Variants in RGS6 observed in about 807,000 individuals in gnomAD.
RGS6 encodes the protein regulator of G-protein signaling 6.
Under a neutral mutation model 78.5 loss-of-function variants are expected in RGS6, and 30 were observed. That is an observed-to-expected ratio of 0.38 (90% CI 0.29 to 0.52). RGS6 has a LOEUF of 0.52. Ranked by LOEUF, RGS6 falls within the 20% of genes least tolerant of loss-of-function variation. RGS6 has a pLI of 0.85. For missense variants in RGS6, 495 were observed against 609.7 expected (o/e 0.81, Z 1.98); for synonymous variants, 206 against 206.0 (o/e 1.00, Z 0.00).
intron 2 of RGS6, among the ~76,000 whole-genome samples, chr14:72,279,671 G>T (rs1203286475): frequency 6.6e-6 from 1 of 152,154 alleles, no homozygotes; most frequent in Non-Finnish European, 1.5e-5. Context: ...ATCTAGAAAG[G>T]GATCTCTGTT....
intron 2 of RGS6, among the ~76,000 whole-genome samples, chr14:72,315,181 G>A (rs1275435770): frequency 6.6e-6 from 1 of 152,182 alleles, no homozygotes; most frequent in Non-Finnish European, 1.5e-5. Context: ...CAAAAGCCAA[G>A]AAGGAATTTC....
At chr14:72,233,831 G>A (rs1225936414) in intron 2 of RGS6, among the ~76,000 whole-genome samples, 1 of 152,130 alleles carries the variant, frequency 6.6e-6, no homozygotes, top group Non-Finnish European at 1.5e-5. Flanking sequence ...CCATGATGTG[G>A]ACATCCTGGC....
At chr14:72,137,688 A>G (rs537989954) in intron 2 of RGS6, among the ~76,000 whole-genome samples, 3 of 152,218 alleles carry the variant, frequency 2.0e-5, no homozygotes, top group Non-Finnish European at 2.9e-5. Context: ...AGATGCATAG[A>G]ACATGGTTTG....
At chr14:72,068,520 CAG>C (rs2094271222) in intron 2 of RGS6, among the ~76,000 whole-genome samples, 2 of 122,772 alleles carry the variant, frequency 1.6e-5, no homozygotes, top group Admixed American at 9.6e-5. Context: ...TTTTTTGAGA[CAG>C]AGTCTCGCTT....
intron 2 of RGS6, among the ~76,000 whole-genome samples, chr14:72,036,508 C>T (rs1176711937): frequency 1.3e-5 from 2 of 152,086 alleles, no homozygotes; most frequent in Admixed American, 1.3e-4. Flanking sequence ...TTTCAAATTT[C>T]AGCCATTCTA....
chr14:72,127,552 G>A (rs776559582), intron 2 of RGS6, among the ~76,000 whole-genome samples: 12 of 152,086 alleles, frequency 7.9e-5, no homozygotes, highest in Non-Finnish European at 1.8e-4. Context: ...AATAAAAATA[G>A]TATTCACATA....
chr14:72,511,822 G>GT (rs1243307742), intron 14 of RGS6: 1 of 152,222 alleles, frequency 6.6e-6, no homozygotes, highest in African/African-American at 2.4e-5. Flanking sequence ...ACAAGGTTGA[G>GT]TATCTTATTT....
At chr14:72,589,059 G>C in the RGS6 span, among the ~76,000 whole-genome samples, 2 of 152,212 alleles carry the variant, frequency 1.3e-5, no homozygotes, top group South Asian at 4.1e-4. Context: ...ACCATTCATA[G>C]AAGAGGGAAA....
At chr14:72,057,423 A>C in intron 2 of RGS6, among the ~76,000 whole-genome samples, 1 of 151,720 alleles carries the variant, frequency 6.6e-6, no homozygotes, top group East Asian at 1.9e-4. Context: ...TAGCTGCTAC[A>C]AGAAGGGTGT....
chr14:72,212,026 A>T (rs1353430603), intron 2 of RGS6, among the ~76,000 whole-genome samples: 1 of 152,230 alleles, frequency 6.6e-6, no homozygotes, highest in Non-Finnish European at 1.5e-5. Context: ...CTAAATATTG[A>T]AAGCTGTCAC....
At chr14:72,255,630 A>G (rs986498429) in intron 2 of RGS6, among the ~76,000 whole-genome samples, 1 of 152,206 alleles carries the variant, frequency 6.6e-6, no homozygotes, top group African/African-American at 2.4e-5. Context: ...AATGTGGCAC[A>G]AATTCTCTTT....
At chr14:72,186,922 G>A (rs1268835374) in intron 2 of RGS6, among the ~76,000 whole-genome samples, 1 of 152,190 alleles carries the variant, frequency 6.6e-6, no homozygotes, top group East Asian at 1.9e-4. Context: ...GAGAGGACCA[G>A]TTCAGTTGCA....
intron 2 of RGS6, among the ~76,000 whole-genome samples, chr14:71,970,695 TG>T (rs2093748890): frequency 6.6e-6 from 1 of 152,192 alleles, no homozygotes. Flanking sequence ...GAGTGTCATT[TG>T]TGTGCCAGAC....
In RGS6 at chr14:72,326,890, A is replaced by G. The variant is rs1443040036; in HGVS notation, c.85-25205A>G. Among the ~76,000 whole-genome samples the G allele has an allele frequency of 2.6e-5, 4 of 152,094 alleles. No homozygotes were observed. The East Asian group carries it at 7.8e-4, about 30-fold the overall frequency. ...GCCCGGCTAATTTTTTGTATTTTTA[A>G]TAGAGATGGGGTTTCACTGTGTTAG... On this transcript the variant is annotated intron_variant, in intron 2 of 17. Coordinates refer to ENST00000553525, the MANE Select transcript of RGS6 (RefSeq NM_001204424.2).
chr14:72,586,594 C>T, the RGS6 span, among the ~76,000 whole-genome samples: 6 of 152,176 alleles, frequency 3.9e-5, no homozygotes, highest in East Asian at 1.2e-3. Flanking sequence ...ATCCTTTCGA[C>T]ACAGGGCACT....
chr14:72,227,696 G>A (rs1313706964), intron 2 of RGS6, among the ~76,000 whole-genome samples: 1 of 152,146 alleles, frequency 6.6e-6, no homozygotes, highest in East Asian at 1.9e-4. Context: ...TAAAGTTTTA[G>A]AATCTAGATG....
intron 1 of RGS6, among the ~76,000 whole-genome samples, chr14:71,934,850 C>G (rs1264403412): frequency 6.6e-6 from 1 of 152,172 alleles, no homozygotes; most frequent in African/African-American, 2.4e-5. Flanking sequence ...ACTCCTAAGA[C>G]TTTGCCAGGA....
chr14:71,884,762 G>A, the RGS6 span, among the ~76,000 whole-genome samples: 1 of 152,112 alleles, frequency 6.6e-6, no homozygotes, highest in Non-Finnish European at 1.5e-5. Context: ...ATGACTAAGA[G>A]AATTGATGTC....
chr14:72,320,282 C>A (rs2071530957), intron 2 of RGS6, among the ~76,000 whole-genome samples: 2 of 152,122 alleles, frequency 1.3e-5, no homozygotes, highest in African/African-American at 4.8e-5. Context: ...ATGAGTTATT[C>A]TTTAAAAAAC....
Sources: gnomAD v4.1 joint callset for allele counts (sites outside exome capture counted in the v4.1 genomes callset) on GRCh38, gnomAD v4.1.1 for gene constraint, MANE v1.5 for transcripts, NCBI Gene and HGNC (gene_info 2026-07-23, HGNC 2026-07-21) for gene names.